Variants in ACOX3 observed in about 807,000 individuals in gnomAD.
ACOX3 encodes the protein peroxisomal acyl-coenzyme A oxidase 3.
Under a neutral mutation model 81.5 loss-of-function variants are expected in ACOX3, and 73 were observed. The ratio of observed to expected loss-of-function variants is 0.90; its 90% CI spans 0.74 to 1.09. The LOEUF (loss-of-function observed/expected upper bound fraction) is 1.09. ACOX3 is among the 50% of genes least tolerant of loss of function. ACOX3 has a pLI of 0.00. For missense variants in ACOX3, 947 were observed against 928.0 expected, an observed-to-expected ratio of 1.02 and a Z score of -0.27; for synonymous variants, 387 against 375.1, an observed-to-expected ratio of 1.03 and a Z score of -0.37.
At chr4:8,356,427 G>T in the ACOX3 span, 1 of 413,254 alleles carries the variant, frequency 2.4e-6, no homozygotes, top group Non-Finnish European at 4.9e-6. Context: ...CGGAGCAGAA[G>T]CCTTGATCTC....
At chr4:8,427,563 A>C (rs1288903980) in intron 1 of ACOX3, among the ~76,000 whole-genome samples, 2 of 152,194 alleles carry the variant, frequency 1.3e-5, no homozygotes, top group Non-Finnish European at 2.9e-5. Context: ...GCCTGGGTTC[A>C]TCCTAATTGA....
At chr4:8,397,671 T>C (rs543236683) in intron 8 of ACOX3, among the ~76,000 whole-genome samples, 2 of 152,368 alleles carry the variant, frequency 1.3e-5, no homozygotes, top group East Asian at 3.9e-4. Context: ...TGCTAAGGCC[T>C]GTCCAGGCTG....
chr4:8,406,130 G>A lies in ACOX3; in HGVS notation c.688-87C>T, dbSNP rs1578944596. 2 of 1,329,056 alleles carry A rather than the reference G, an allele frequency of 1.5e-6. No individual in the cohort carries two copies. The allele number at this position is 1,329,056 out of a possible 1,614,324, so 82.3% of individuals were successfully genotyped here. ...AATGTGTTCAGAAACCCACAGGGTGGGCCATGGGCTCAACGCTGGGCGGCT... is the reference window on the plus strand; with the variant it reads ...AATGTGTTCAGAAACCCACAGGGTGAGCCATGGGCTCAACGCTGGGCGGCT... On this transcript the variant is annotated intron_variant, in intron 6 of 17. Transcript: ENST00000356406. The surrounding 1 kb of genome is among the most constrained non-coding windows in gnomAD (Gnocchi z 5.6).
chr4:8,413,951 T>C (rs2108974330), intron 5 of ACOX3, among the ~76,000 whole-genome samples: 3 of 152,276 alleles, frequency 2.0e-5, no homozygotes, highest in East Asian at 1.9e-4. Context: ...CCACGGGCCA[T>C]GAGAACGGTT....
intron 1 of ACOX3, among the ~76,000 whole-genome samples, chr4:8,424,647 A>C (rs1723277413): frequency 1.3e-5 from 2 of 152,258 alleles, no homozygotes; most frequent in African/African-American, 4.8e-5. Flanking sequence ...GTTTGCTTAA[A>C]TATCAGGCTC....
rs1717687029 is a variant in ACOX3 at position 8,381,791 on chromosome 4, T to C, written c.1538-184A>G. Among the ~76,000 whole-genome samples the C allele has an allele frequency of 6.6e-6, 1 of 152,230 alleles. No individual in the cohort carries two copies. The highest frequency in any genetic ancestry group is 1.5e-5 in the Non-Finnish European group (1 of 68,032). On this transcript the variant is annotated intron_variant, in intron 13 of 17. Transcript: ENST00000356406. This position sits in a 1 kb window ranked among gnomAD's most constrained non-coding sequence, Gnocchi z 4.3. ...GAAACTGAAGCACAGGGAGGGCACC[T>C]GCCCAGGGCCCCCCTGGCTGGAGGC... is the stretch of plus-strand genomic sequence containing the variant.
intron 7 of ACOX3, among the ~76,000 whole-genome samples, chr4:8,401,193 A>AT (rs1410440946): frequency 2.6e-5 from 4 of 152,018 alleles, no homozygotes; most frequent in African/African-American, 9.7e-5. Context: ...AACACAGAGG[A>AT]AGCTTTGCTG....
downstream of ACOX3, among the ~76,000 whole-genome samples, chr4:8,363,790 A>T (rs538469671): frequency 5.9e-5 from 9 of 152,276 alleles, no homozygotes; most frequent in East Asian, 1.4e-3. Context: ...CAAGATGGCC[A>T]TGAGAGTAAC....
chr4:8,366,216 G>C (rs545199160), downstream of ACOX3: 360 of 152,456 alleles, frequency 2.4e-3, 2 homozygotes, highest in Non-Finnish European at 3.7e-3. Flanking sequence ...CAGCGCCATG[G>C]GGACAGGCCA....
In ACOX3 at chr4:8,366,740, T is replaced by C. The variant is rs892891325; in HGVS notation, c.*221A>G. 8.4e-6 allele frequency: 4 copies of C among 473,692 alleles called. No homozygotes were observed. Among genetic ancestry groups the C allele is most frequent in the Non-Finnish European group, 1.5e-5 (4 of 267,888 alleles). 29.3% of individuals were successfully genotyped at this position (473,692 alleles called of 1,614,324 possible). A position where few individuals can be genotyped will look rare whatever the true frequency, so the allele number is the denominator to read the frequency against. On this transcript the variant is annotated 3_prime_UTR_variant, in exon 18 of 18. Transcript: ENST00000356406. ...GGTAGACATGATCATCTGCATTTCT[T>C]TTCCACGCTGCAAATCACCGCGATC...
Position 8,366,881 on chromosome 4 carries a change from T to C in ACOX3, c.*80A>G. ...GAAAGCAGCAGCAATCTCCGGCGTG[T>C]TCTGGAATCAGAAGTTGAGGTCCAC... On this transcript the variant is annotated 3_prime_UTR_variant, in exon 18 of 18. Coordinates refer to ENST00000356406, the MANE Select transcript of ACOX3 (RefSeq NM_003501.3). The C allele has an allele frequency of 6.4e-7, 1 of 1,566,264 alleles. No individual in the cohort carries two copies. Among genetic ancestry groups the C allele is most frequent in the Non-Finnish European group, 8.7e-7 (1 of 1,145,472 alleles).
Position 8,397,017 on chromosome 4 carries a change from CGATGGCCACGGCCAGCTTTAGGTTAAG to C in ACOX3, c.949_975del (p.Leu317_Ile325del), listed in dbSNP as rs1719776808. ...CGCCGAGTGGCTGAGAAGCGAAGAG[CGATGGCCACGGCCAGCTTTAGGTTAAG>C]GATGGCCAGGCTCACGATGGAGACC... On this transcript the variant is annotated inframe_deletion, in exon 9 of 18. Transcript: ENST00000356406. 1 of 1,611,216 alleles carries C rather than the reference CGATGGCCACGGCCAGCTTTAGGTTAAG, an allele frequency of 6.2e-7. No homozygotes were observed. Among genetic ancestry groups the C allele is most frequent in the South Asian group, 1.1e-5 (1 of 90,506 alleles).
Position 8,368,972 on chromosome 4 carries a change from G to A in ACOX3, c.1984-1892C>T, listed in dbSNP as rs564212952. Among the ~76,000 whole-genome samples, 3 of 152,236 alleles carry A rather than the reference G, an allele frequency of 2.0e-5. No individual in the cohort carries two copies. The highest frequency in any genetic ancestry group is 4.4e-5 in the Non-Finnish European group (3 of 68,012). Reference sequence around the variant, plus strand: ...TAGGATAACAGGTGTGAGCCACCATGCTCAGCCAGGAATGCACGTTTAATA... The same window carrying A: ...TAGGATAACAGGTGTGAGCCACCATACTCAGCCAGGAATGCACGTTTAATA... On this transcript the variant is annotated intron_variant, in intron 17 of 17. Coordinates refer to ENST00000356406, the MANE Select transcript of ACOX3 (RefSeq NM_003501.3). This position sits in a 1 kb window ranked among gnomAD's most constrained non-coding sequence, Gnocchi z 5.9.
intron 14 of ACOX3, among the ~76,000 whole-genome samples, chr4:8,378,519 T>C (rs1717249972): frequency 6.6e-6 from 1 of 151,886 alleles, no homozygotes; most frequent in Non-Finnish European, 1.5e-5. Flanking sequence ...ACCACCCATC[T>C]TTTTACTCCC....
At chr4:8,359,321 G>T in the ACOX3 span, among the ~76,000 whole-genome samples, 1 of 152,090 alleles carries the variant, frequency 6.6e-6, no homozygotes, top group Non-Finnish European at 1.5e-5. This position sits in a 1 kb window ranked among gnomAD's most constrained non-coding sequence, Gnocchi z 6.0. Context: ...CCCAACGTAG[G>T]GGAGTTAGAG....
Position 8,407,547 on chromosome 4 carries a change from C to T in ACOX3, c.688-1504G>A, listed in dbSNP as rs887678977. 1.3e-5 allele frequency among the ~76,000 whole-genome samples: 2 copies of T among 152,216 alleles called. No homozygotes were observed. The highest frequency in any genetic ancestry group is 6.5e-5 in the Admixed American group (1 of 15,282). ...GGAGAATACGTTATGCTGTTTCGAG[C>T]GCCCTGCTTTGTGGTGCTTTGCTGT... On this transcript the variant is annotated intron_variant, in intron 6 of 17. Transcript: ENST00000356406. The surrounding 1 kb of genome is among the most constrained non-coding windows in gnomAD (Gnocchi z 4.6).
At chr4:8,379,865 A>G (rs1717417553) in intron 14 of ACOX3, among the ~76,000 whole-genome samples, 1 of 152,206 alleles carries the variant, frequency 6.6e-6, no homozygotes, top group Non-Finnish European at 1.5e-5. Flanking sequence ...GGCCTACTGC[A>G]GCCTCAACCT....
In ACOX3 at chr4:8,389,771, G is replaced by T. The variant is rs747995279; in HGVS notation, c.1301-37C>A. ...CCACAATAGTACCATCATTTAAGAC[G>T]CATATTTGAGAAGCAGCCTGTCACT... On this transcript the variant is annotated intron_variant, in intron 11 of 17. Transcript: ENST00000356406. The surrounding 1 kb of genome is among the most constrained non-coding windows in gnomAD (Gnocchi z 5.3). 99 of 1,606,740 alleles carry T rather than the reference G, an allele frequency of 6.2e-5. No individual in the cohort carries two copies. In the South Asian group the frequency reaches 6.8e-4, roughly 11 times the overall value.
At chr4:8,377,014 T>C (rs1717051315) in intron 14 of ACOX3, among the ~76,000 whole-genome samples, 1 of 152,044 alleles carries the variant, frequency 6.6e-6, no homozygotes, top group South Asian at 2.1e-4. Context: ...CAGCCCTTCC[T>C]CCTTCCACCT....
Sources: gnomAD v4.1 joint callset for allele counts (sites outside exome capture counted in the v4.1 genomes callset) on GRCh38, gnomAD v4.1.1 for gene constraint, Gnocchi (gnomAD v3.1) non-coding constraint, MANE v1.5 for transcripts, NCBI Gene and HGNC (gene_info 2026-07-23, HGNC 2026-07-21) for gene names.